Variants in NDST3 observed in about 807,000 individuals in gnomAD.
NDST3 encodes the protein N-deacetylase and N-sulfotransferase 3, also known as bifunctional heparan sulfate N-deacetylase/N-sulfotransferase 3.
A neutral mutation model predicts 96.1 loss-of-function variants in NDST3; 58 were observed. The ratio of observed to expected loss-of-function variants is 0.60; its 90% CI spans 0.49 to 0.75. The LOEUF is 0.75. Among genes scored for constraint, NDST3 ranks in the 30% least tolerant of loss-of-function variants. The probability of loss-of-function intolerance (pLI) is 0.00; values close to 1 mark genes in which losing one functional copy is unlikely to be tolerated. For missense variants in NDST3, 788 were observed against 1,034.2 expected (o/e 0.76, Z 3.27); for synonymous variants, 333 against 359.7 (o/e 0.93, Z 0.84).
intron 9 of NDST3, among the ~76,000 whole-genome samples, chr4:118,233,930 T>C (rs1740474844): frequency 6.6e-6 from 1 of 152,252 alleles, no homozygotes; most frequent in African/African-American, 2.4e-5. Context: ...TTTATAATTA[T>C]CAGCCCCCTG....
chr4:118,069,349 A>G (rs1726855232), intron 2 of NDST3, among the ~76,000 whole-genome samples: 1 of 152,108 alleles, frequency 6.6e-6, no homozygotes. Context: ...TAGGTGGGAT[A>G]GAGTACCCCA....
chr4:118,118,955 T>A (rs955998837), intron 4 of NDST3, among the ~76,000 whole-genome samples: 1 of 152,072 alleles, frequency 6.6e-6, no homozygotes, highest in Non-Finnish European at 1.5e-5. Flanking sequence ...TGGAAAATGG[T>A]GGTGGTTAAA....
intron 2 of NDST3, among the ~76,000 whole-genome samples, chr4:118,062,587 G>A (rs1421755712): frequency 6.6e-6 from 1 of 152,054 alleles, no homozygotes; most frequent in Admixed American, 6.6e-5. Context: ...AATAGCCATA[G>A]TGTGCTAGCA....
chr4:118,115,827 A>G (rs984027063), intron 4 of NDST3, among the ~76,000 whole-genome samples: 1 of 152,122 alleles, frequency 6.6e-6, no homozygotes, highest in Admixed American at 6.5e-5. Context: ...TGTATACACT[A>G]TATTTTTTTT....
Position 118,138,250 on chromosome 4 carries a change from T to C in NDST3, c.1410+11T>C. 1 of 1,611,140 alleles carries C rather than the reference T, an allele frequency of 6.2e-7. No homozygotes were observed. The highest frequency in any genetic ancestry group is 8.5e-7 in the Non-Finnish European group (1 of 1,178,278). ...CACAAAAACATCATGGTGAGCTTCCTCCAGTATGCATAGGGTACAACTAAT... is the reference window on the plus strand; with the variant it reads ...CACAAAAACATCATGGTGAGCTTCCCCCAGTATGCATAGGGTACAACTAAT... On this transcript the variant is annotated intron_variant, in intron 5 of 13. Coordinates refer to ENST00000296499, the MANE Select transcript of NDST3 (RefSeq NM_004784.3).
chr4:118,057,649 G>A (rs539635813), intron 2 of NDST3, among the ~76,000 whole-genome samples: 1 of 152,152 alleles, frequency 6.6e-6, no homozygotes, highest in Non-Finnish European at 1.5e-5. Flanking sequence ...AGGGCCCACT[G>A]GGCTAAGGAC....
intron 6 of NDST3, among the ~76,000 whole-genome samples, chr4:118,206,320 G>A (rs1738441943): frequency 6.9e-6 from 1 of 144,850 alleles, no homozygotes; most frequent in South Asian, 2.3e-4. Flanking sequence ...GCAAAACAAA[G>A]AACATAAGCC....
chr4:118,159,825 A>G (rs1050142830), intron 6 of NDST3, among the ~76,000 whole-genome samples: 4 of 152,214 alleles, frequency 2.6e-5, no homozygotes, highest in African/African-American at 9.6e-5. Context: ...CTGAAGAAAG[A>G]ATCAGGGAAC....
intron 6 of NDST3, among the ~76,000 whole-genome samples, chr4:118,144,032 C>T (rs1344324805): frequency 6.6e-6 from 1 of 152,028 alleles, no homozygotes; most frequent in African/African-American, 2.4e-5. Flanking sequence ...CAACAGTTAC[C>T]TCTATTATTA....
chr4:118,147,316 C>A (rs1734019543), intron 6 of NDST3, among the ~76,000 whole-genome samples: 1 of 152,114 alleles, frequency 6.6e-6, no homozygotes, highest in African/African-American at 2.4e-5. Flanking sequence ...ATGAGAGTTA[C>A]CTCATGATAT....
intron 1 of NDST3, among the ~76,000 whole-genome samples, chr4:118,048,854 T>C (rs1724915533): frequency 6.6e-6 from 1 of 152,090 alleles, no homozygotes; most frequent in South Asian, 2.1e-4. Context: ...GGACTTAAAC[T>C]TGACACCTGA....
At chr4:118,122,223 G>GA (rs1331138132) in intron 4 of NDST3, among the ~76,000 whole-genome samples, 2 of 152,164 alleles carry the variant, frequency 1.3e-5, no homozygotes, top group African/African-American at 4.8e-5. Flanking sequence ...GCTGGAGTCA[G>GA]ATGTGGGTAT....
intron 2 of NDST3, among the ~76,000 whole-genome samples, chr4:118,089,112 G>A (rs1024938436): frequency 6.6e-6 from 1 of 151,872 alleles, no homozygotes; most frequent in Admixed American, 6.6e-5. Context: ...TTGTTCTATA[G>A]TAAACACAGA....
At chr4:118,243,668 T>C (rs144439678) in intron 12 of NDST3, among the ~76,000 whole-genome samples, 88 of 152,344 alleles carry the variant, frequency 5.8e-4, no homozygotes, top group Middle Eastern at 3.4e-3. Context: ...CTAAACAGTT[T>C]TCTATTTCAA....
At chr4:118,222,430 G>A (rs1449924834) in intron 6 of NDST3, among the ~76,000 whole-genome samples, 2 of 151,896 alleles carry the variant, frequency 1.3e-5, no homozygotes. Flanking sequence ...AAATTGAAAT[G>A]TATTATGCCT....
In NDST3 at chr4:118,233,652, A is replaced by T. The variant is rs114014287; in HGVS notation, c.1943+517A>T. Among the ~76,000 whole-genome samples, 641 of 152,362 alleles carry T rather than the reference A, an allele frequency of 4.2e-3. 1 individual carries two copies. Among genetic ancestry groups the T allele is most frequent in the Middle Eastern group, 0.01 (3 of 294 alleles). On this transcript the variant is annotated intron_variant, in intron 9 of 13. Coordinates refer to ENST00000296499, the MANE Select transcript of NDST3 (RefSeq NM_004784.3). ...CACAGAATTTAATTCTTGCCTTTGA[A>T]TCAAAATTAGAAATATATCAACCAT...
intron 3 of NDST3, among the ~76,000 whole-genome samples, chr4:118,106,194 T>G (rs1730167633): frequency 6.6e-6 from 1 of 152,318 alleles, no homozygotes; most frequent in Non-Finnish European, 1.5e-5. Flanking sequence ...TTCCAAGTAC[T>G]TTCTCCTGCT....
At chr4:118,156,446 G>T (rs1440671139) in intron 6 of NDST3, among the ~76,000 whole-genome samples, 1 of 152,132 alleles carries the variant, frequency 6.6e-6, no homozygotes, top group Non-Finnish European at 1.5e-5. Flanking sequence ...AAGACATCAT[G>T]CCTTATTCTA....
At chr4:118,178,018 C>T (rs1578772572) in intron 6 of NDST3, among the ~76,000 whole-genome samples, 2 of 151,820 alleles carry the variant, frequency 1.3e-5, no homozygotes, top group East Asian at 3.9e-4. Context: ...TCAGTCACCA[C>T]ACACACCCTA....
Sources: gnomAD v4.1 joint callset for allele counts (sites outside exome capture counted in the v4.1 genomes callset) on GRCh38, gnomAD v4.1.1 for gene constraint, MANE v1.5 for transcripts, NCBI Gene and HGNC (gene_info 2026-07-23, HGNC 2026-07-21) for gene names.